KHDRBS2: variants seen among roughly 807,000 people sequenced by gnomAD.
The protein encoded by KHDRBS2 is KH RNA binding domain containing, signal transduction associated 2, also known as KH domain-containing, RNA-binding, signal transduction-associated protein 2.
Under a neutral mutation model 44.3 loss-of-function variants are expected in KHDRBS2, and 26 were observed. That is an observed-to-expected ratio of 0.59 (90% CI 0.43 to 0.81). KHDRBS2 has a LOEUF of 0.81. Ranked by LOEUF, KHDRBS2 falls within the 40% of genes least tolerant of loss-of-function variation. The probability of loss-of-function intolerance (pLI) is 0.00; values close to 1 mark genes in which losing one functional copy is unlikely to be tolerated. For missense variants in KHDRBS2, 476 were observed against 433.1 expected (o/e 1.10, Z -0.88); for synonymous variants, 194 against 151.1 (o/e 1.28, Z -2.08).
intron 6 of KHDRBS2, among the ~76,000 whole-genome samples, chr6:61,754,660 T>C (rs574842644): frequency 1.3e-5 from 2 of 152,114 alleles, no homozygotes; most frequent in Non-Finnish European, 2.9e-5. Context: ...TAATTGATTA[T>C]TGTAAAAAGA....
chr6:61,834,603 C>T (rs1792358396), intron 6 of KHDRBS2, among the ~76,000 whole-genome samples: 2 of 152,000 alleles, frequency 1.3e-5, no homozygotes, highest in South Asian at 2.1e-4. Context: ...AAAGATGTCA[C>T]TATGCCAAAG....
chr6:61,591,577 C>T, the KHDRBS2 span, among the ~76,000 whole-genome samples: 1 of 152,090 alleles, frequency 6.6e-6, no homozygotes, highest in East Asian at 1.9e-4. Context: ...CTAGTAACTC[C>T]CTCTTTTCCC....
the KHDRBS2 span, among the ~76,000 whole-genome samples, chr6:61,612,586 GT>G: frequency 2.0e-5 from 3 of 152,158 alleles, no homozygotes; most frequent in African/African-American, 7.2e-5. Context: ...GCACAAAAGA[GT>G]TAATAAATGA....
chr6:61,763,874 T>C (rs1779620017), intron 6 of KHDRBS2, among the ~76,000 whole-genome samples: 1 of 152,204 alleles, frequency 6.6e-6, no homozygotes, highest in African/African-American at 2.4e-5. Context: ...GCAGGTTTGT[T>C]ACATAGGCAA....
Position 62,225,826 on chromosome 6 carries a change from T to C in KHDRBS2, c.92-48514A>G, listed in dbSNP as rs773385211. ...TCCTGTGTTAGTTTACTTAGGATGA[T>C]GGCTTCCTGCTTCATACATGTCCCT... On this transcript the variant is annotated intron_variant, in intron 1 of 8. Transcript: ENST00000281156. Among the ~76,000 whole-genome samples, 4 of 152,268 alleles carry C rather than the reference T, an allele frequency of 2.6e-5. No individual in the cohort carries two copies. The South Asian group carries it at 6.2e-4, about 24-fold the overall frequency.
chr6:62,156,192 T>C (rs1194638680), intron 2 of KHDRBS2, among the ~76,000 whole-genome samples: 2 of 152,164 alleles, frequency 1.3e-5, no homozygotes, highest in South Asian at 4.1e-4. Flanking sequence ...TAAAAAACTT[T>C]TAATAATTTC....
intron 2 of KHDRBS2, among the ~76,000 whole-genome samples, chr6:62,080,787 T>C (rs1278699653): frequency 1.3e-5 from 2 of 152,062 alleles, no homozygotes; most frequent in Non-Finnish European, 2.9e-5. Flanking sequence ...TGGAGACAAT[T>C]CAAGCACCTG....
intron 3 of KHDRBS2, among the ~76,000 whole-genome samples, chr6:62,025,251 T>C (rs971382280): frequency 3.3e-5 from 5 of 151,766 alleles, no homozygotes; most frequent in East Asian, 1.9e-4. Context: ...GCGATTTACA[T>C]TGTATTGTCT....
At chr6:61,949,397 T>C (rs1354399292) in intron 4 of KHDRBS2, among the ~76,000 whole-genome samples, 1 of 152,096 alleles carries the variant, frequency 6.6e-6, no homozygotes, top group Non-Finnish European at 1.5e-5. Context: ...ACAAACAGAA[T>C]GACCTTCCCT....
chr6:62,055,228 CAAAT>C (rs1456695990), intron 2 of KHDRBS2, among the ~76,000 whole-genome samples: 1 of 151,220 alleles, frequency 6.6e-6, no homozygotes, highest in Admixed American at 6.6e-5. Context: ...TTTACAAAAA[CAAAT>C]ATAGAACTAA....
At chr6:61,977,340 T>C (rs994425050) in intron 4 of KHDRBS2, among the ~76,000 whole-genome samples, 6 of 152,164 alleles carry the variant, frequency 3.9e-5, no homozygotes, top group African/African-American at 1.4e-4. Context: ...GAATGACTTC[T>C]TCCTAGAATG....
At position 62,285,877 on chromosome 6, in the gene KHDRBS2, C is replaced by G. The variant is rs373943334; in HGVS notation, c.72G>C (p.Ala24=). Residue 24 remains alanine (A), a synonymous_variant, in exon 1 of 9, where the codon GCG becomes GCC. Transcript: ENST00000281156. ...KDSLDPSFVH[A]SRLLAEEIEK... The stretch of plus-strand genomic sequence containing the variant: ...TCCTACCTTCTGCCAAAAGGCGCGA[C>G]GCATGCACAAAAGATGGATCCAGGC... 1.2e-6 allele frequency: 2 copies of G among 1,613,136 alleles called. No individual in the cohort carries two copies. Among genetic ancestry groups the G allele is most frequent in the Admixed American group, 1.7e-5 (1 of 59,928 alleles).
chr6:62,119,949 G>C (rs1257244351), intron 2 of KHDRBS2, among the ~76,000 whole-genome samples: 1 of 152,136 alleles, frequency 6.6e-6, no homozygotes, highest in African/African-American at 2.4e-5. Flanking sequence ...ACAAGGCAGT[G>C]CACTACTCCC....
At chr6:61,627,231 C>G in the KHDRBS2 span, among the ~76,000 whole-genome samples, 8 of 117,120 alleles carry the variant, frequency 6.8e-5, no homozygotes, top group African/African-American at 2.3e-4. Flanking sequence ...CCAGCCTGGG[C>G]GACAGAGCGA....
At chr6:62,016,660 T>C (rs1467273168) in intron 3 of KHDRBS2, among the ~76,000 whole-genome samples, 2 of 150,424 alleles carry the variant, frequency 1.3e-5, no homozygotes, top group Non-Finnish European at 3.0e-5. Context: ...TCTTATTTTA[T>C]ATATAGTCTG....
At chr6:61,745,299 G>A (rs1938392) in intron 6 of KHDRBS2, among the ~76,000 whole-genome samples, 129,459 of 152,094 alleles carry the variant, frequency 0.85, 55,696 homozygotes, top group African/African-American at 0.96. Context: ...GAAAATATTC[G>A]GTTGTCAGTA....
chr6:61,686,707 G>C (rs1484909760), intron 8 of KHDRBS2, among the ~76,000 whole-genome samples: 1 of 151,576 alleles, frequency 6.6e-6, no homozygotes. Flanking sequence ...CTATGACTCA[G>C]AAAGTTTAGT....
At chr6:61,905,699 T>G (rs1036528290) in intron 4 of KHDRBS2, among the ~76,000 whole-genome samples, 21 of 152,140 alleles carry the variant, frequency 1.4e-4, no homozygotes, top group African/African-American at 5.1e-4. Context: ...AAATAGTTGA[T>G]TTATCATTTG....
the KHDRBS2 span, among the ~76,000 whole-genome samples, chr6:61,560,167 T>C: frequency 6.6e-6 from 1 of 152,206 alleles, no homozygotes; most frequent in Non-Finnish European, 1.5e-5. Flanking sequence ...AAAAGTTTGC[T>C]GTTAGACATA....
Sources: gnomAD v4.1 joint callset for allele counts (sites outside exome capture counted in the v4.1 genomes callset) on GRCh38, gnomAD v4.1.1 for gene constraint, MANE v1.5 for transcripts, NCBI Gene and HGNC (gene_info 2026-07-23, HGNC 2026-07-21) for gene names.